Variants in TRPC5 observed in about 807,000 individuals in gnomAD.
The protein encoded by TRPC5 is short transient receptor potential channel 5.
A neutral mutation model predicts 56.5 loss-of-function variants in TRPC5; 9 were observed. The ratio of observed to expected loss-of-function variants is 0.16; its 90% CI spans 0.10 to 0.28. TRPC5 has a LOEUF of 0.28. TRPC5 is among the 10% of genes least tolerant of loss of function. TRPC5 has a pLI of 1.00. For missense variants in TRPC5, 469 were observed against 748.9 expected, an observed-to-expected ratio of 0.63 and a Z score of 4.36; for synonymous variants, 282 against 278.5, an observed-to-expected ratio of 1.01 and a Z score of -0.13.
chrX:111,995,130 A>G (rs1016220709), intron 1 of TRPC5, among the ~76,000 whole-genome samples: 9 of 111,807 alleles, frequency 8.0e-5, no homozygotes, highest in Admixed American at 1.9e-4. Flanking sequence ...TTATTTTGAG[A>G]TACATTCCAT....
chrX:111,890,932 C>A (rs1924775862), intron 3 of TRPC5, among the ~76,000 whole-genome samples: 1 of 111,226 alleles, frequency 9.0e-6, no homozygotes, highest in African/African-American at 3.3e-5. Flanking sequence ...CATGTGTTTT[C>A]ACCATTTAGC....
rs1569527951 is a variant in TRPC5 at position 111,909,139 on chromosome X, TAAA to T, written c.900+3149_900+3151del. Among the ~76,000 whole-genome samples the T allele has an allele frequency of 3.0e-4, 17 of 57,210 alleles. No individual in the cohort carries two copies. In the South Asian group the frequency reaches 5.5e-3, roughly 19 times the overall value. 49.7% of individuals were successfully genotyped at this position (57,210 alleles called of 115,157 possible). Reference sequence around the variant, plus strand: ...TCTCTACTAAAAATAAATAAATAAATAAATAAATTAATTAAAAAAAAAAAAAAA... The same window carrying T: ...TCTCTACTAAAAATAAATAAATAAATTAAATTAATTAAAAAAAAAAAAAAA... On this transcript the variant is annotated intron_variant, in intron 3 of 10. Coordinates refer to ENST00000262839, the MANE Select transcript of TRPC5 (RefSeq NM_012471.3).
rs1945868798 is a variant in TRPC5, at chrX:111,775,298, G to T, written c.*1015C>A. The T allele has an allele frequency of 8.9e-6, 1 of 111,741 alleles. No individual in the cohort carries two copies. The highest frequency in any genetic ancestry group is 1.9e-5 in the Non-Finnish European group (1 of 53,176). The allele number at this position is 111,741 out of a possible 1,213,427, so 9.2% of individuals were successfully genotyped here. A position where few individuals can be genotyped will look rare whatever the true frequency, so the allele number is the denominator to read the frequency against. On this transcript the variant is annotated 3_prime_UTR_variant, in exon 11 of 11. Coordinates refer to ENST00000262839, the MANE Select transcript of TRPC5 (RefSeq NM_012471.3). ...TAAAGCAGTTAATTAAAATGAAGAT[G>T]CTCTTTTCTCATATTTTGACACTTC...
intron 1 of TRPC5, among the ~76,000 whole-genome samples, chrX:112,032,699 T>C (rs1243994495): frequency 8.9e-6 from 1 of 112,215 alleles, no homozygotes; most frequent in African/African-American, 3.2e-5. Flanking sequence ...AACTACCAAA[T>C]TGCTTTTCAT....
At chrX:112,028,417 G>A (rs750918891) in intron 1 of TRPC5, among the ~76,000 whole-genome samples, 6 of 110,884 alleles carry the variant, frequency 5.4e-5, no homozygotes, top group African/African-American at 1.3e-4. Context: ...TAATGCAATC[G>A]CTCCCCCAGG....
intron 1 of TRPC5, among the ~76,000 whole-genome samples, chrX:112,061,814 G>C (rs1930466267): frequency 9.0e-6 from 1 of 111,609 alleles, no homozygotes; most frequent in African/African-American, 3.3e-5. Flanking sequence ...GGTTCTTCTG[G>C]TGCTGGCTAC....
chrX:111,958,613 C>G (rs1239292596), intron 1 of TRPC5, among the ~76,000 whole-genome samples: 1 of 112,308 alleles, frequency 8.9e-6, no homozygotes, highest in Non-Finnish European at 1.9e-5. Flanking sequence ...CAAGAAGCCC[C>G]TCCTTCACCT....
At chrX:111,904,912 A>G (rs1302962807) in intron 3 of TRPC5, among the ~76,000 whole-genome samples, 1 of 111,199 alleles carries the variant, frequency 9.0e-6, no homozygotes, top group Admixed American at 9.6e-5. Context: ...TTCTTATTCT[A>G]CTTCATGCCA....
At chrX:111,973,317 G>A (rs898155472) in intron 1 of TRPC5, among the ~76,000 whole-genome samples, 2 of 111,884 alleles carry the variant, frequency 1.8e-5, no homozygotes, top group African/African-American at 6.5e-5. Context: ...GGTATTAGCC[G>A]ATTAAAAGGC....
At chrX:111,886,122 A>G (rs944999181) in intron 3 of TRPC5, among the ~76,000 whole-genome samples, 1 of 111,417 alleles carries the variant, frequency 9.0e-6, no homozygotes, top group Non-Finnish European at 1.9e-5. Context: ...TCTACTAAAA[A>G]TATAAAAAAT....
intron 7 of TRPC5, among the ~76,000 whole-genome samples, chrX:111,800,535 C>CG (rs1291284503): frequency 9.0e-6 from 1 of 110,583 alleles, no homozygotes; most frequent in Non-Finnish European, 1.9e-5. Context: ...GAGGCCAAGG[C>CG]GGGGGGATCA....
In TRPC5 at chrX:111,776,692, A is replaced by G; in HGVS notation, c.2543T>C (p.Leu848Pro). The G allele has an allele frequency of 8.3e-7, 1 of 1,211,966 alleles. No individual in the cohort carries two copies. ...CATATGACCATTAAATTTGGAGAAT[A>G]GGAGACCCAGTTTCTTGAGAGAAGG... Reference protein sequence around the residue: ...MGPSLKKLGLLFSKFNGHMSE... With the variant: ...MGPSLKKLGLPFSKFNGHMSE... The change falls in exon 11 of 11, where the codon CTA becomes CCA. Residue 848 changes from leucine to proline, a missense_variant. Leu to Pro is a moderately conservative substitution (Grantham distance 98). Transcript: ENST00000262839.
At chrX:112,060,210 T>C (rs1930430455) in intron 1 of TRPC5, among the ~76,000 whole-genome samples, 1 of 111,953 alleles carries the variant, frequency 8.9e-6, no homozygotes, top group Non-Finnish European at 1.9e-5. Context: ...TCCTACCCCA[T>C]AGTTTCACAG....
At chrX:112,051,414 A>G (rs1404434004) in intron 1 of TRPC5, among the ~76,000 whole-genome samples, 1 of 111,401 alleles carries the variant, frequency 9.0e-6, no homozygotes, top group African/African-American at 3.3e-5. Context: ...ATAACGGTGT[A>G]TCTTCTCAAG....
At chrX:111,986,698 C>T (rs990386785) in intron 1 of TRPC5, among the ~76,000 whole-genome samples, 3 of 111,324 alleles carry the variant, frequency 2.7e-5, no homozygotes, top group Non-Finnish European at 5.7e-5. Flanking sequence ...TCCCTAGCTT[C>T]GTTATGGGCT....
rs1168266302 is a variant in TRPC5, at chrX:111,771,175, A to G, written c.*5138T>C. Among the ~76,000 whole-genome samples the G allele has an allele frequency of 1.8e-5, 2 of 111,635 alleles. No homozygotes were observed. The highest frequency in any genetic ancestry group is 6.5e-5 in the African/African-American group (2 of 30,691). ...GGATGTATGACAGTTGATTTCAATG[A>G]TCAAAAGTTGTGGGCTGTTTATGTT... On this transcript the variant is annotated 3_prime_UTR_variant, in exon 11 of 11. Transcript: ENST00000262839.
At chrX:111,998,820 C>T (rs763402938) in intron 1 of TRPC5, among the ~76,000 whole-genome samples, 6 of 111,833 alleles carry the variant, frequency 5.4e-5, no homozygotes, top group African/African-American at 2.0e-4. Context: ...AATGGATGAA[C>T]GTATGTTCAG....
chrX:111,974,267 G>C (rs767485039), intron 1 of TRPC5, among the ~76,000 whole-genome samples: 22 of 111,681 alleles, frequency 2.0e-4, no homozygotes, highest in African/African-American at 6.8e-4. Flanking sequence ...GGTTCAGGGA[G>C]AGGGAACTGA....
At chrX:112,035,710 C>G (rs1175422973) in intron 1 of TRPC5, among the ~76,000 whole-genome samples, 1 of 109,663 alleles carries the variant, frequency 9.1e-6, no homozygotes, top group Non-Finnish European at 1.9e-5. Context: ...TGGCTCACTG[C>G]AAGCTCCGCC....
Sources: allele counts gnomAD v4.1 joint callset (sites outside exome capture counted in the v4.1 genomes callset), GRCh38; gene constraint gnomAD v4.1.1; transcripts MANE v1.5; gene names NCBI Gene and HGNC (gene_info 2026-07-23, HGNC 2026-07-21).